The following SNTB1 variants were observed in gnomAD, a reference collection of about 807,000 sequenced individuals.
SNTB1 encodes syntrophin beta 1.
In SNTB1, 36 loss-of-function variants were observed where a neutral mutation model predicts 48.9. The ratio of observed to expected loss-of-function variants is 0.74; its 90% CI spans 0.56 to 0.97. The LOEUF (loss-of-function observed/expected upper bound fraction) is 0.97. Ranked by LOEUF, SNTB1 falls within the 50% of genes least tolerant of loss-of-function variation. The probability of loss-of-function intolerance (pLI) is 0.00; values close to 1 mark genes in which losing one functional copy is unlikely to be tolerated. For missense variants in SNTB1, 786 were observed against 703.4 expected, an observed-to-expected ratio of 1.12 and a Z score of -1.33; for synonymous variants, 299 against 294.6, an observed-to-expected ratio of 1.01 and a Z score of -0.15.
At chr8:120,668,575 G>T (rs1443623513) in intron 2 of SNTB1, among the ~76,000 whole-genome samples, 2 of 152,172 alleles carry the variant, frequency 1.3e-5, no homozygotes, top group Non-Finnish European at 2.9e-5. Context: ...CAGCTTCTAT[G>T]TACCAGTTAC....
At chr8:120,759,064 C>A (rs537130953) in intron 1 of SNTB1, among the ~76,000 whole-genome samples, 31 of 152,224 alleles carry the variant, frequency 2.0e-4, no homozygotes, top group Non-Finnish European at 4.3e-4. Flanking sequence ...AGCCACCTTG[C>A]CCAGCCCCAA....
At chr8:120,608,267 T>G (rs1472224825) in intron 3 of SNTB1, among the ~76,000 whole-genome samples, 1 of 152,172 alleles carries the variant, frequency 6.6e-6, no homozygotes, top group African/African-American at 2.4e-5. Context: ...CATATAGGAT[T>G]ATTAGAAGAA....
At chr8:120,583,809 G>A (rs1816088526) in intron 3 of SNTB1, among the ~76,000 whole-genome samples, 1 of 152,014 alleles carries the variant, frequency 6.6e-6, no homozygotes, top group African/African-American at 2.4e-5. Context: ...CTATAAACCA[G>A]TACGCCTCAT....
At chr8:120,602,005 A>C (rs559826939) in intron 3 of SNTB1, among the ~76,000 whole-genome samples, 2 of 152,248 alleles carry the variant, frequency 1.3e-5, no homozygotes, top group Non-Finnish European at 2.9e-5. Context: ...AAACAAACAA[A>C]AAACAAAAAC....
intron 1 of SNTB1, among the ~76,000 whole-genome samples, chr8:120,807,518 G>A (rs1444389478): frequency 6.6e-5 from 10 of 152,222 alleles, no homozygotes; most frequent in East Asian, 1.9e-4. Context: ...TCTAAACACC[G>A]GCTTAACTGG....
intron 1 of SNTB1, among the ~76,000 whole-genome samples, chr8:120,751,176 A>G (rs975508892): frequency 1.3e-5 from 2 of 152,140 alleles, no homozygotes; most frequent in Non-Finnish European, 2.9e-5. Context: ...TGGAGTGAGG[A>G]CGCTAAGTTA....
intron 1 of SNTB1, among the ~76,000 whole-genome samples, chr8:120,713,446 T>C (rs761821129): frequency 1.1e-4 from 16 of 152,190 alleles, no homozygotes; most frequent in Non-Finnish European, 1.8e-4. Flanking sequence ...AATTGAATCA[T>C]ACAGGCTGGG....
At chr8:120,753,715 G>A (rs1033242871) in intron 1 of SNTB1, among the ~76,000 whole-genome samples, 1 of 152,134 alleles carries the variant, frequency 6.6e-6, no homozygotes, top group Non-Finnish European at 1.5e-5. Flanking sequence ...GCAGAACAAC[G>A]ATCAGATCAA....
In SNTB1 at chr8:120,545,655, C is replaced by G. The variant is rs72680540; in HGVS notation, c.1333+3107G>C. Among the ~76,000 whole-genome samples, 1,127 of 152,312 alleles carry G rather than the reference C, an allele frequency of 7.4e-3. 11 individuals carry two copies. The highest frequency in any genetic ancestry group is 0.012 in the Non-Finnish European group (809 of 68,034). ...GTTCCTCTAAAGCAGAGCCGTACAA[C>G]AGGGCTTTCTACTGTGATGGAAATG... is the stretch of plus-strand genomic sequence containing the variant. On this transcript the variant is annotated intron_variant, in intron 5 of 6. Coordinates refer to ENST00000517992, the MANE Select transcript of SNTB1 (RefSeq NM_021021.4).
At chr8:120,543,583 C>G (rs1815327865) in intron 5 of SNTB1, among the ~76,000 whole-genome samples, 1 of 152,150 alleles carries the variant, frequency 6.6e-6, no homozygotes, top group Non-Finnish European at 1.5e-5. Context: ...CCTTCTCATG[C>G]TCTGGCACTC....
rs190553687 is a variant in SNTB1, at chr8:120,618,394, T to C, written c.996+14050A>G. Among the ~76,000 whole-genome samples, 378 of 152,346 alleles carry C rather than the reference T, an allele frequency of 2.5e-3. 2 individuals are homozygous for C. Among genetic ancestry groups the C allele is most frequent in the African/African-American group, 8.6e-3 (359 of 41,586 alleles). On this transcript the variant is annotated intron_variant, in intron 3 of 6. Transcript: ENST00000517992. ...TGCCCATTCTCTTTATCAGCACATA[T>C]CACAATCTGAATTGTTTGTTTTCTT...
At chr8:120,608,127 G>GT in intron 3 of SNTB1, among the ~76,000 whole-genome samples, 1 of 152,200 alleles carries the variant, frequency 6.6e-6, no homozygotes, top group East Asian at 1.9e-4. Flanking sequence ...AAGCTGCTCT[G>GT]TAGGAACCCA....
At chr8:120,808,762 G>T (rs1434918599) in intron 1 of SNTB1, among the ~76,000 whole-genome samples, 1 of 152,106 alleles carries the variant, frequency 6.6e-6, no homozygotes, top group African/African-American at 2.4e-5. Context: ...ACTTTACAGG[G>T]TGTTCCACTT....
At chr8:120,792,071 A>C (rs1024013145) in intron 1 of SNTB1, among the ~76,000 whole-genome samples, 1 of 151,328 alleles carries the variant, frequency 6.6e-6, no homozygotes, top group African/African-American at 2.4e-5. Flanking sequence ...ATGAGTGGGT[A>C]CCACTCATAT....
At position 120,747,194 on chromosome 8, in the gene SNTB1, G is replaced by A. The variant is rs187176930; in HGVS notation, c.572-53286C>T. On this transcript the variant is annotated intron_variant, in intron 1 of 6. Transcript: ENST00000517992. Reference sequence around the variant, plus strand: ...ACTATGCAGCCATAAAAAAGAATGAGATCATGTCCCTTGCAGGGACATGGA... The same window carrying A: ...ACTATGCAGCCATAAAAAAGAATGAAATCATGTCCCTTGCAGGGACATGGA... 9.8e-5 allele frequency among the ~76,000 whole-genome samples: 15 copies of A among 152,300 alleles called. 1 individual carries two copies. The highest frequency in any genetic ancestry group is 3.4e-3 in the Middle Eastern group (1 of 294).
intron 3 of SNTB1, among the ~76,000 whole-genome samples, chr8:120,608,308 C>T (rs1816558975): frequency 6.6e-6 from 1 of 152,220 alleles, no homozygotes; most frequent in South Asian, 2.1e-4. Flanking sequence ...GAAATTGTCG[C>T]TCCCCACCCC....
At chr8:120,562,725 C>T (rs1438188888) in intron 4 of SNTB1, among the ~76,000 whole-genome samples, 2 of 152,032 alleles carry the variant, frequency 1.3e-5, no homozygotes, top group East Asian at 3.8e-4. Flanking sequence ...AAAAGAATTC[C>T]TAAAATTTCT....
chr8:120,549,669 G>T (rs2130652811), intron 4 of SNTB1, among the ~76,000 whole-genome samples: 1 of 152,292 alleles, frequency 6.6e-6, no homozygotes, highest in Middle Eastern at 3.4e-3. Flanking sequence ...GGCCAGACTT[G>T]AAAGAAGAAG....
intron 3 of SNTB1, among the ~76,000 whole-genome samples, chr8:120,575,575 A>AT (rs889572664): frequency 4.7e-4 from 72 of 151,800 alleles, no homozygotes; most frequent in African/African-American, 1.2e-3. Context: ...GTACAGTAGC[A>AT]TTTTTTTTTA....
Sources: allele counts gnomAD v4.1 joint callset (sites outside exome capture counted in the v4.1 genomes callset), GRCh38; gene constraint gnomAD v4.1.1; transcripts MANE v1.5; gene names NCBI Gene and HGNC (gene_info 2026-07-23, HGNC 2026-07-21).